The following SLX4IP variants were observed in gnomAD, a reference collection of about 807,000 sequenced individuals.
SLX4IP encodes the protein SLX4 interacting protein, also known as protein SLX4IP.
A neutral mutation model predicts 32.9 loss-of-function variants in SLX4IP; 34 were observed. The ratio of observed to expected loss-of-function variants is 1.03; its 90% CI spans 0.79 to 1.38. The LOEUF is 1.38. Among genes scored for constraint, SLX4IP ranks in the 40% most tolerant of loss-of-function variants. The pLI, the probability that SLX4IP is intolerant of heterozygous loss-of-function variation, is 0.00. For synonymous variants in SLX4IP, 172 were observed against 171.7 expected (o/e 1.00, Z -0.01); for missense variants, 444 against 479.0 (o/e 0.93, Z 0.68).
chr20:10,600,054 G>A (rs922868494), intron 5 of SLX4IP, among the ~76,000 whole-genome samples: 2 of 151,822 alleles, frequency 1.3e-5, no homozygotes, highest in Non-Finnish European at 2.9e-5. Context: ...ATTTTTTTAG[G>A]GGGGGGAGGT....
At chr20:10,504,908 C>T (rs772068743) in intron 2 of SLX4IP, among the ~76,000 whole-genome samples, 45 of 151,124 alleles carry the variant, frequency 3.0e-4, no homozygotes, top group Non-Finnish European at 3.1e-4. Context: ...CCTATAGCCA[C>T]GGAAGACTCT....
Position 10,619,225 on chromosome 20 carries a change from T to C in SLX4IP, c.406-2089T>C, listed in dbSNP as rs1454974806. On this transcript the variant is annotated intron_variant, in intron 6 of 7. Transcript: ENST00000334534. ...TTCTTTTCTTTTTTTTTCTTTTTTT[T>C]TTTTTTTTGAAAACTAAGTCACAGA... Among the ~76,000 whole-genome samples the C allele has an allele frequency of 4.0e-5, 6 of 150,336 alleles. No individual in the cohort carries two copies. The East Asian group carries it at 9.6e-4, about 24-fold the overall frequency.
chr20:10,476,185 C>A (rs191421957), intron 2 of SLX4IP, among the ~76,000 whole-genome samples: 18 of 151,968 alleles, frequency 1.2e-4, no homozygotes, highest in Admixed American at 3.9e-4. Context: ...GATAATTAAA[C>A]CAAATATTGT....
chr20:10,556,315 A>G lies in SLX4IP; in HGVS notation c.112A>G (p.Lys38Glu). Residue 38 changes from lysine (K) to glutamate (E), a missense_variant, in exon 3 of 8, where the codon AAA becomes GAA. Physicochemically the swap from Lys to Glu is moderately conservative, Grantham distance 56. Transcript: ENST00000334534. ...KDTSWFSEQKKEEVCLLLKET... is the reference protein window; with the variant it reads ...KDTSWFSEQKEEEVCLLLKET... ...TACAAGCTGGTTTTCTGAACAGAAG[A>G]AAGAGGTACAACAAAACTTTCTACT... 1 of 1,612,888 alleles carries G rather than the reference A, an allele frequency of 6.2e-7. No individual in the cohort carries two copies. Among genetic ancestry groups the G allele is most frequent in the Non-Finnish European group, 8.5e-7 (1 of 1,179,678 alleles).
intron 2 of SLX4IP, among the ~76,000 whole-genome samples, chr20:10,469,314 T>A (rs949636299): frequency 6.6e-6 from 1 of 151,994 alleles, no homozygotes; most frequent in Non-Finnish European, 1.5e-5. Context: ...GGTATATTTG[T>A]TTTTTTAAAA....
intron 6 of SLX4IP, among the ~76,000 whole-genome samples, chr20:10,608,310 T>C (rs936354031): frequency 6.6e-6 from 1 of 152,140 alleles, no homozygotes; most frequent in African/African-American, 2.4e-5. Flanking sequence ...AAGGTAAACA[T>C]GATACTTTCT....
Position 10,623,305 on chromosome 20 carries a change from A to G in SLX4IP, c.1153A>G (p.Thr385Ala). The part of the protein sequence containing the change: ...PGQAQQTGLA[T>A]NTERLSTIQN... ...GCAGGCACAGCAAACCGGCTTAGCCACAAACACTGAAAGATTATCTACAAT... is the reference window on the plus strand; with the variant it reads ...GCAGGCACAGCAAACCGGCTTAGCCGCAAACACTGAAAGATTATCTACAAT... Residue 385 changes from threonine to alanine, a missense_variant, in exon 8 of 8, where the codon ACA becomes GCA. Physicochemically the swap from Thr to Ala is moderately conservative, Grantham distance 58. Transcript: ENST00000334534. The G allele has an allele frequency of 6.2e-7, 1 of 1,614,192 alleles. No homozygotes were observed. Among genetic ancestry groups the G allele is most frequent in the Non-Finnish European group, 8.5e-7 (1 of 1,180,034 alleles).
intron 2 of SLX4IP, among the ~76,000 whole-genome samples, chr20:10,505,406 A>T (rs1208435408): frequency 6.6e-6 from 1 of 152,216 alleles, no homozygotes; most frequent in Non-Finnish European, 1.5e-5. Context: ...ATTATTGTAG[A>T]CCAAAGCCAG....
chr20:10,458,553 T>G (rs981689272), intron 2 of SLX4IP, among the ~76,000 whole-genome samples: 1 of 151,988 alleles, frequency 6.6e-6, no homozygotes, highest in Admixed American at 6.6e-5. Context: ...GTGTGCTGTT[T>G]CCCCCCATGT....
intron 2 of SLX4IP, among the ~76,000 whole-genome samples, chr20:10,551,959 A>AG (rs2066222413): frequency 1.3e-5 from 2 of 152,242 alleles, no homozygotes; most frequent in African/African-American, 4.8e-5. Flanking sequence ...AGTGACTGTA[A>AG]TCTTCCAAGT....
At chr20:10,609,800 A>G (rs1333396838) in intron 6 of SLX4IP, among the ~76,000 whole-genome samples, 3 of 152,014 alleles carry the variant, frequency 2.0e-5, no homozygotes, top group Non-Finnish European at 4.4e-5. Flanking sequence ...TTTTTTTTTA[A>G]CAAGAAGACC....
intron 4 of SLX4IP, among the ~76,000 whole-genome samples, chr20:10,591,636 A>G (rs766248354): frequency 2.6e-5 from 4 of 152,252 alleles, no homozygotes; most frequent in Non-Finnish European, 4.4e-5. Context: ...TTTGAGTTTT[A>G]TAAGTACACA....
chr20:10,608,780 G>T (rs987122772), intron 6 of SLX4IP, among the ~76,000 whole-genome samples: 1 of 151,194 alleles, frequency 6.6e-6, no homozygotes, highest in Non-Finnish European at 1.5e-5. Context: ...TCATTTAAAT[G>T]CAATTAACGC....
chr20:10,540,508 A>G (rs2066094941), intron 2 of SLX4IP, among the ~76,000 whole-genome samples: 1 of 152,198 alleles, frequency 6.6e-6, no homozygotes, highest in Non-Finnish European at 1.5e-5. Context: ...GAGAGCCTTT[A>G]TAAGGCTTAA....
At chr20:10,464,868 T>C (rs952936856) in intron 2 of SLX4IP, among the ~76,000 whole-genome samples, 2 of 152,152 alleles carry the variant, frequency 1.3e-5, no homozygotes, top group Non-Finnish European at 2.9e-5. Context: ...TTGCACAGGC[T>C]GAACATGAAC....
chr20:10,539,345 AC>A (rs2122475747), intron 2 of SLX4IP, among the ~76,000 whole-genome samples: 1 of 152,350 alleles, frequency 6.6e-6, no homozygotes, highest in Admixed American at 6.5e-5. Context: ...CTTTTTACCT[AC>A]CATATTTTAA....
chr20:10,512,776 CTCTATATATATATATATATATA>C (rs2065820412), intron 2 of SLX4IP, among the ~76,000 whole-genome samples: 7 of 114,746 alleles, frequency 6.1e-5, no homozygotes, highest in Admixed American at 9.7e-5. Context: ...CACACACACA[CTCTATATATATATATATATATA>C]TATATATATA....
chr20:10,502,612 G>A (rs1193981687), intron 2 of SLX4IP, among the ~76,000 whole-genome samples: 35 of 142,762 alleles, frequency 2.5e-4, no homozygotes, highest in Admixed American at 2.0e-3. Context: ...TATTTGCAGC[G>A]TGTACTCCCT....
intron 1 of SLX4IP, among the ~76,000 whole-genome samples, chr20:10,451,002 T>C (rs2065236933): frequency 3.3e-5 from 5 of 152,136 alleles, no homozygotes; most frequent in Admixed American, 3.3e-4. Context: ...TCCGCCTGCC[T>C]CGGCCTCCCA....
Sources: gnomAD v4.1 joint callset for allele counts (sites outside exome capture counted in the v4.1 genomes callset) on GRCh38, gnomAD v4.1.1 for gene constraint, MANE v1.5 for transcripts, NCBI Gene and HGNC (gene_info 2026-07-23, HGNC 2026-07-21) for gene names.